The following ABCD4 variants were observed in gnomAD, a reference collection of about 807,000 sequenced individuals.
The protein encoded by ABCD4 is ATP binding cassette subfamily D member 4, also known as lysosomal cobalamin transporter ABCD4.
ABCD4 carries 53 observed loss-of-function variants against 86.3 expected under a neutral mutation model. The observed-to-expected ratio is 0.61, with a 90% CI of 0.49 to 0.77. The LOEUF is 0.77. Among genes scored for constraint, ABCD4 ranks in the 30% least tolerant of loss-of-function variants. The pLI is 0.00. For missense variants in ABCD4, 757 were observed against 764.5 expected (o/e 0.99, Z 0.12); for synonymous variants, 328 against 313.6 (o/e 1.05, Z -0.49).
intron 13 of ABCD4, 33 bp downstream of exon 13, chr14:74,289,994 G>A (rs943356924): frequency 1.7e-5 from 28 of 1,613,838 alleles, no homozygotes; most frequent in Non-Finnish European, 2.3e-5. Context: ...CGGGGTTGAG[G>A]AGGGAGGAGT....
chr14:74,295,056 G>T (rs2082486285), intron 7 of ABCD4, 92 bp downstream of exon 7: 2 of 1,490,764 alleles, frequency 1.3e-6, no homozygotes, highest in Non-Finnish European at 1.9e-6. Flanking sequence ...CAGCCCCTGA[G>T]CTCGGTGGTG....
intron 4 of ABCD4, chr14:74,297,726 G>T (rs1184252691): frequency 3.1e-6 from 4 of 1,298,110 alleles, no homozygotes; most frequent in South Asian, 2.2e-5. Flanking sequence ...CACCTGGCAG[G>T]CTTCTTCTTT....
chr14:74,293,492 T>A (rs1027853683), intron 7 of ABCD4: 3 of 400,084 alleles, frequency 7.5e-6, no homozygotes, highest in Non-Finnish European at 1.3e-5. Flanking sequence ...GGCCAGTTAC[T>A]AGCTGCGTGA....
Position 74,299,750 on chromosome 14 carries a change from C to T in ABCD4, c.158-75G>A, listed in dbSNP as rs78016754. 2,560 of 1,456,692 alleles carry T rather than the reference C, an allele frequency of 1.8e-3. 42 individuals are homozygous for T. The African/African-American group carries it at 0.031, about 18-fold the overall frequency. 90.2% of individuals were successfully genotyped at this position (1,456,692 alleles called of 1,614,324 possible). A position where few individuals can be genotyped will look rare whatever the true frequency, so the allele number is the denominator to read the frequency against. The stretch of plus-strand genomic sequence containing the variant: ...AGGGAGGCTTCTTCCTGAGTCCCTG[C>T]CTCATCAGCACCCCAAAGAGATGAA... On this transcript the variant is annotated intron_variant, in intron 2 of 18. Transcript: ENST00000356924.
At chr14:74,300,356 T>C in intron 1 of ABCD4, 88 bp from the exon 2 acceptor site, 2 of 855,800 alleles carry the variant, frequency 2.3e-6, no homozygotes, top group South Asian at 1.5e-5. Context: ...CATTGTTCTG[T>C]AGAGGGTCCA....
chr14:74,292,215 T>C, intron 11 of ABCD4, 72 bp downstream of exon 11: 1 of 1,472,002 alleles, frequency 6.8e-7, no homozygotes, highest in Non-Finnish European at 9.5e-7. Context: ...AGGGCAGGAC[T>C]CCAGGGTAAC....
chr14:74,300,201 A>G lies in ABCD4; in HGVS notation c.106T>C (p.Ser36Pro). 6.2e-7 allele frequency: 1 copy of G among 1,613,932 alleles called. No homozygotes were observed. The highest frequency in any genetic ancestry group is 8.5e-7 in the Non-Finnish European group (1 of 1,179,932). ...QILKVLFPSW[S>P]SQNALMFLTL... ...AGGAACATCAAGGCATTTTGTGATG[A>G]CCAAGAAGGAAACAAAACCTTCAGT... Residue 36 changes from serine (S) to proline (P), a missense_variant, in exon 2 of 19, where the codon TCA becomes CCA. By Grantham distance (74) the Ser-to-Pro change is moderately conservative (BLOSUM62 -1). Transcript: ENST00000356924.
At chr14:74,301,991 A>G (rs2084713073) in intron 1 of ABCD4, among the ~76,000 whole-genome samples, 1 of 149,062 alleles carries the variant, frequency 6.7e-6, no homozygotes, top group South Asian at 2.1e-4. Flanking sequence ...ACCAGCCGCC[A>G]CTGAACGATG....
intron 15 of ABCD4, 117 bp downstream of exon 15, chr14:74,288,599 C>T: frequency 1.7e-6 from 2 of 1,204,924 alleles, no homozygotes; most frequent in Admixed American, 2.0e-5. Context: ...CTCCCATTCT[C>T]CACCCCAGGT....
rs141001008 is a variant in ABCD4 at position 74,286,302 on chromosome 14, T to G, written c.*159A>C. The G allele has an allele frequency of 1.9e-3, 1,306 of 701,388 alleles. 17 individuals are homozygous for G. The African/African-American group carries it at 0.021, about 11-fold the overall frequency. The allele number at this position is 701,388 out of a possible 1,614,324, so 43.4% of individuals were successfully genotyped here. ...CCCCCACAGAAACCTAGACCTGGGC[T>G]CAGCCCACCACTGCTAGGGGTCCTG... On this transcript the variant is annotated 3_prime_UTR_variant, in exon 19 of 19. Transcript: ENST00000356924.
intron 7 of ABCD4, chr14:74,294,561 C>T (rs2082359438): frequency 6.5e-6 from 1 of 153,182 alleles, no homozygotes; most frequent in South Asian, 2.1e-4. Context: ...CCTCTGCCTG[C>T]ACTATCAATC....
In ABCD4 at chr14:74,289,336, T is replaced by TCA. The variant is rs1486792096; in HGVS notation, c.1456+145_1456+146dup. 1.2e-5 allele frequency: 17 copies of TCA among 1,450,794 alleles called. No individual in the cohort carries two copies. In the East Asian group the frequency reaches 3.8e-4, roughly 32 times the overall value. The allele number at this position is 1,450,794 out of a possible 1,614,324, so 89.9% of individuals were successfully genotyped here. Reference sequence around the variant, plus strand: ...GATCTGGGTACAGACCCCAAAACAGTCAAAGGAAGAGGAGAGGAGCCCCTC... The same window carrying TCA: ...GATCTGGGTACAGACCCCAAAACAGTCACAAAGGAAGAGGAGAGGAGCCCCTC... On this transcript the variant is annotated intron_variant, in intron 14 of 18. Transcript: ENST00000356924.
intron 7 of ABCD4, chr14:74,294,895 C>A: frequency 1.9e-6 from 1 of 527,032 alleles, no homozygotes. Flanking sequence ...ATTCATTTGA[C>A]AATTTCAGGC....
At chr14:74,295,501 G>C (rs945126184) in intron 6 of ABCD4, among the ~76,000 whole-genome samples, 1 of 152,174 alleles carries the variant, frequency 6.6e-6, no homozygotes, top group Non-Finnish European at 1.5e-5. Flanking sequence ...AGAAGCACAG[G>C]GCAGGCACTG....
At chr14:74,289,316 G>A in intron 14 of ABCD4, 167 bp downstream of exon 14, 1 of 1,423,774 alleles carries the variant, frequency 7.0e-7, no homozygotes, top group Non-Finnish European at 9.2e-7. Context: ...GGTGAGATCT[G>A]GGTACAGACC....
At position 74,300,159 on chromosome 14, in the gene ABCD4, T is replaced by G. The variant is rs1160616945; in HGVS notation, c.148A>C (p.Thr50Pro). Reference sequence around the variant, plus strand: ...GGGCTCACTCACTCACCCAGTAGGGTCAGGCACAAAAGGGTCAGGAACATC... The same window carrying G: ...GGGCTCACTCACTCACCCAGTAGGGGCAGGCACAAAAGGGTCAGGAACATC... ...ALMFLTLLCL[T>P]LLEQFVIYQV... Residue 50 changes from threonine (T) to proline (P), a missense_variant, in exon 2 of 19, where the codon ACC becomes CCC. By Grantham distance (38) the Thr-to-Pro change is conservative (BLOSUM62 -1). Transcript: ENST00000356924. 4.4e-6 allele frequency: 7 copies of G among 1,600,596 alleles called. No individual in the cohort carries two copies. The African/African-American group carries it at 5.5e-5, about 13-fold the overall frequency.
chr14:74,292,567 C>G lies in ABCD4; in HGVS notation c.1012G>C (p.Ala338Pro). 1 of 1,614,050 alleles carries G rather than the reference C, an allele frequency of 6.2e-7. No homozygotes were observed. The highest frequency in any genetic ancestry group is 8.5e-7 in the Non-Finnish European group (1 of 1,180,010). ...CGGCCTCACCTGTGCGTGTAGCCAG[C>G]CACATCTGAGAGCGTCGTGGACAGG... ...IDLSTTLSDV[A>P]GYTHRIGQLR... Residue 338 changes from alanine to proline, a missense_variant, in exon 10 of 19, where the codon GCT (alanine) becomes CCT (proline). Ala to Pro is a conservative substitution (Grantham distance 27). Coordinates refer to ENST00000356924, the MANE Select transcript of ABCD4 (RefSeq NM_005050.4).
At chr14:74,289,598 A>C (rs2080891271) in intron 13 of ABCD4, 79 bp from the exon 14 acceptor site, 1 of 1,568,510 alleles carries the variant, frequency 6.4e-7, no homozygotes, top group Admixed American at 1.9e-5. Flanking sequence ...CTCCCTCCAG[A>C]ACCCACTGGA....
chr14:74,286,420 C>G lies in ABCD4; in HGVS notation c.*41G>C, dbSNP rs746568976. ...CCTCCTGGTCTCTCCTGAGGGCCGC[C>G]GACCCGCCACAGTGTGGCTCTCCTT... On this transcript the variant is annotated 3_prime_UTR_variant, in exon 19 of 19. Coordinates refer to ENST00000356924, the MANE Select transcript of ABCD4 (RefSeq NM_005050.4). 1.2e-6 allele frequency: 2 copies of G among 1,609,804 alleles called. No individual in the cohort carries two copies. The highest frequency in any genetic ancestry group is 8.5e-7 in the Non-Finnish European group (1 of 1,176,656).
Sources: gnomAD v4.1 joint callset for allele counts (sites outside exome capture counted in the v4.1 genomes callset) on GRCh38, gnomAD v4.1.1 for gene constraint, MANE v1.5 for transcripts, NCBI Gene and HGNC (gene_info 2026-07-23, HGNC 2026-07-21) for gene names.